Variants in ACADSB observed in about 807,000 individuals in gnomAD.
ACADSB encodes acyl-CoA dehydrogenase short/branched chain, also known as short/branched chain specific acyl-CoA dehydrogenase, mitochondrial.
In ACADSB, 40 loss-of-function variants were observed where a neutral mutation model predicts 54.1. That is an observed-to-expected ratio of 0.74 (90% CI 0.57 to 0.96). ACADSB has a LOEUF of 0.96. Among genes scored for constraint, ACADSB ranks in the 40% least tolerant of loss-of-function variants. The pLI is 0.00. For synonymous variants in ACADSB, 182 were observed against 182.8 expected, an observed-to-expected ratio of 1.00 and a Z score of 0.03; for missense variants, 530 against 510.4, an observed-to-expected ratio of 1.04 and a Z score of -0.37.
Position 123,045,303 on chromosome 10 carries a change from C to T in ACADSB, c.900+818C>T, listed in dbSNP as rs572569500. Among the ~76,000 whole-genome samples the T allele has an allele frequency of 4.0e-4, 58 of 145,682 alleles. No homozygotes were observed. In the South Asian group the frequency reaches 0.01, roughly 26 times the overall value. On this transcript the variant is annotated intron_variant, in intron 7 of 10. Coordinates refer to ENST00000358776, the MANE Select transcript of ACADSB (RefSeq NM_001609.4). ...ATGCCATTCTCCTGCCTCAGCCTCC[C>T]GAGTAGCTGGGACTACAGGCGCCCG...
rs928980779 is a variant in ACADSB at position 123,053,873 on chromosome 10, C to T, written c.*108C>T. ...CGTGGGAATAAACTTCCACAGCATT[C>T]GAATATTTTAATGAAGCCCTTAGTC... On this transcript the variant is annotated 3_prime_UTR_variant, in exon 11 of 11. Coordinates refer to ENST00000358776, the MANE Select transcript of ACADSB (RefSeq NM_001609.4). 35 of 1,039,100 alleles carry T rather than the reference C, an allele frequency of 3.4e-5. No homozygotes were observed. The Admixed American group carries it at 4.8e-4, about 14-fold the overall frequency. 64.4% of individuals were successfully genotyped at this position (1,039,100 alleles called of 1,614,324 possible).
intron 2 of ACADSB, among the ~76,000 whole-genome samples, chr10:123,036,574 A>T (rs1850401902): frequency 6.6e-6 from 1 of 152,238 alleles, no homozygotes; most frequent in South Asian, 2.1e-4. Context: ...TAAGCACAGA[A>T]GCAATAAAGA....
At chr10:123,049,617 A>T (rs772538193) in intron 8 of ACADSB, among the ~76,000 whole-genome samples, 2 of 152,260 alleles carry the variant, frequency 1.3e-5, no homozygotes, top group African/African-American at 4.8e-5. Flanking sequence ...TGATGGAACA[A>T]AACAGAAAAG....
chr10:123,030,291 C>G (rs759200545), intron 1 of ACADSB, among the ~76,000 whole-genome samples: 1 of 152,090 alleles, frequency 6.6e-6, no homozygotes, highest in Non-Finnish European at 1.5e-5. Flanking sequence ...TCTGGGAGGC[C>G]GAGATGGGCG....
chr10:123,034,956 C>T lies in ACADSB; in HGVS notation c.202+441C>T, dbSNP rs202097464. Reference sequence around the variant, plus strand: ...TTTTCTTTCTTTCTTTCTTTTTTTTCTTTTTTTTTTTGAGATGGAGTCTCA... The same window carrying T: ...TTTTCTTTCTTTCTTTCTTTTTTTTTTTTTTTTTTTTGAGATGGAGTCTCA... On this transcript the variant is annotated intron_variant, in intron 2 of 10. Coordinates refer to ENST00000358776, the MANE Select transcript of ACADSB (RefSeq NM_001609.4). 3.4e-3 allele frequency among the ~76,000 whole-genome samples: 477 copies of T among 140,262 alleles called. 1 individual carries two copies. The highest frequency in any genetic ancestry group is 0.011 in the African/African-American group (431 of 38,694). The allele number at this position is 140,262 out of a possible 152,430, so 92.0% of individuals were successfully genotyped here.
chr10:123,013,110 A>G lies in ACADSB; in HGVS notation c.42+4039A>G, dbSNP rs574195933. Among the ~76,000 whole-genome samples, 22 of 152,304 alleles carry G rather than the reference A, an allele frequency of 1.4e-4. No individual in the cohort carries two copies. In the South Asian group the frequency reaches 4.6e-3, roughly 32 times the overall value. On this transcript the variant is annotated intron_variant, in intron 1 of 10. Transcript: ENST00000358776. ...GGTGTATTTACAATCACTTAGCTAG[A>G]CATAAAGATTCTTCAAGTCCCCACC...
At chr10:123,051,019 A>T (rs1163096936) in intron 8 of ACADSB, 30 bp from the exon 9 acceptor site, 16 of 1,607,976 alleles carry the variant, frequency 1.0e-5, no homozygotes, top group Non-Finnish European at 1.4e-5. Context: ...TTGAAATCAT[A>T]ATTCTCTAAC....
At position 123,053,849 on chromosome 10, in the gene ACADSB, G is replaced by T; in HGVS notation, c.*84G>T. ...GTCTTGTTGGGAGTAAGTGCCTTGCGTGGGAATAAACTTCCACAGCATTCG... is the reference window on the plus strand; with the variant it reads ...GTCTTGTTGGGAGTAAGTGCCTTGCTTGGGAATAAACTTCCACAGCATTCG... On this transcript the variant is annotated 3_prime_UTR_variant, in exon 11 of 11. Transcript: ENST00000358776. 1.6e-6 allele frequency: 2 copies of T among 1,231,254 alleles called. No homozygotes were observed. Among genetic ancestry groups the T allele is most frequent in the Admixed American group, 1.7e-5 (1 of 58,578 alleles). 76.3% of individuals were successfully genotyped at this position (1,231,254 alleles called of 1,614,324 possible). A position where few individuals can be genotyped will look rare whatever the true frequency, so the allele number is the denominator to read the frequency against.
At chr10:123,013,101 C>T (rs1850059837) in intron 1 of ACADSB, among the ~76,000 whole-genome samples, 1 of 152,072 alleles carries the variant, frequency 6.6e-6, no homozygotes. Flanking sequence ...TTTACAATCA[C>T]TTAGCTAGAC....
chr10:123,012,202 C>T (rs1260624318), intron 1 of ACADSB, among the ~76,000 whole-genome samples: 2 of 152,224 alleles, frequency 1.3e-5, no homozygotes, highest in African/African-American at 4.8e-5. Context: ...TCAGTTAATT[C>T]TCTGGACATC....
chr10:123,041,217 T>C lies in ACADSB; in HGVS notation c.519T>C (p.Ser173=). 5.6e-6 allele frequency: 9 copies of C among 1,614,178 alleles called. No individual in the cohort carries two copies. Among genetic ancestry groups the C allele is most frequent in the Non-Finnish European group, 7.6e-6 (9 of 1,180,016 alleles). ...TTTTCTCCCATATGTAGGTAGGAAG[T>C]TTCTGCCTTTCAGAGGCTGGAGCAG... ...LPQLTTEKVG[S]FCLSEAGAGS... Residue 173 remains serine (S), a synonymous_variant, in exon 5 of 11, where the codon AGT becomes AGC. Transcript: ENST00000358776.
At chr10:123,025,722 A>G (rs1231357625) in intron 1 of ACADSB, among the ~76,000 whole-genome samples, 2 of 152,232 alleles carry the variant, frequency 1.3e-5, no homozygotes, top group Admixed American at 6.5e-5. Flanking sequence ...GTTTGTAGAC[A>G]TATGAAAACA....
At position 123,051,105 on chromosome 10, in the gene ACADSB, A is replaced by G. The variant is rs748662471; in HGVS notation, c.1047A>G (p.Leu349=). The change falls in exon 9 of 11, where the codon CTA becomes CTG. Residue 349 remains leucine (L), a synonymous_variant. Coordinates refer to ENST00000358776, the MANE Select transcript of ACADSB (RefSeq NM_001609.4). ...VATQLEAARL[L]TYNAARLLEA... ...CCCAGCTGGAAGCTGCAAGATTACT[A>G]ACATACAATGCTGCTAGGCTTTTAG... 6.2e-7 allele frequency: 1 copy of G among 1,612,514 alleles called. No homozygotes were observed. Among genetic ancestry groups the G allele is most frequent in the Non-Finnish European group, 8.5e-7 (1 of 1,179,758 alleles).
chr10:123,040,635 A>G lies in ACADSB; in HGVS notation c.473A>G (p.Gln158Arg), dbSNP rs1850459876. 1 of 1,613,980 alleles carries G rather than the reference A, an allele frequency of 6.2e-7. No homozygotes were observed. The highest frequency in any genetic ancestry group is 1.7e-5 in the Admixed American group (1 of 60,010). The change falls in exon 4 of 11, where the codon CAA (glutamine) becomes CGA (arginine). Residue 158 changes from glutamine to arginine, a missense_variant. Physicochemically the swap from Gln to Arg is conservative, Grantham distance 43. Coordinates refer to ENST00000358776, the MANE Select transcript of ACADSB (RefSeq NM_001609.4). The stretch of plus-strand genomic sequence containing the variant: ...ATTAGAAAACATGGAACAGAAGAAC[A>G]AAAGGCCACCTATTTGCCTCAGCTC... ...TLIRKHGTEE[Q>R]KATYLPQLTT...
chr10:123,009,190 T>C, intron 1 of ACADSB, 119 bp downstream of exon 1: 1 of 1,151,010 alleles, frequency 8.7e-7, no homozygotes, highest in Non-Finnish European at 1.2e-6. Flanking sequence ...CTCCACGTCC[T>C]GGGTCCCCAG....
At chr10:123,027,685 C>T in intron 1 of ACADSB, 1 of 346,508 alleles carries the variant, frequency 2.9e-6, no homozygotes, top group Admixed American at 3.3e-5. Context: ...AACATGGTAA[C>T]CCCTTGTTCC....
chr10:123,021,629 A>C (rs184537945), intron 1 of ACADSB, among the ~76,000 whole-genome samples: 115 of 152,346 alleles, frequency 7.5e-4, no homozygotes, highest in African/African-American at 2.5e-3. Flanking sequence ...CATAACACAT[A>C]TATAACTACA....
At chr10:123,025,096 A>C (rs187628417) in intron 1 of ACADSB, among the ~76,000 whole-genome samples, 2 of 152,120 alleles carry the variant, frequency 1.3e-5, no homozygotes, top group East Asian at 3.9e-4. Flanking sequence ...ACTGTCATGA[A>C]AACAAAAAGA....
At position 123,037,728 on chromosome 10, in the gene ACADSB, G is replaced by A. The variant is rs201292241; in HGVS notation, c.203-19G>A. 3 of 1,528,282 alleles carry A rather than the reference G, an allele frequency of 2.0e-6. No individual in the cohort carries two copies. Among genetic ancestry groups the A allele is most frequent in the African/African-American group, 2.7e-5 (2 of 73,170 alleles). 94.7% of individuals were successfully genotyped at this position (1,528,282 alleles called of 1,614,324 possible). A position where few individuals can be genotyped will look rare whatever the true frequency, so the allele number is the denominator to read the frequency against. Reference sequence around the variant, plus strand: ...CTGTCACTTTAACATAGACTTATCAGTAATTCTTTTTCCTACAGTTAAAAA... The same window carrying A: ...CTGTCACTTTAACATAGACTTATCAATAATTCTTTTTCCTACAGTTAAAAA... On this transcript the variant is annotated intron_variant, in intron 2 of 10. Coordinates refer to ENST00000358776, the MANE Select transcript of ACADSB (RefSeq NM_001609.4).
Sources: gnomAD v4.1 joint callset for allele counts (sites outside exome capture counted in the v4.1 genomes callset) on GRCh38, gnomAD v4.1.1 for gene constraint, MANE v1.5 for transcripts, NCBI Gene and HGNC (gene_info 2026-07-23, HGNC 2026-07-21) for gene names.